CHD6: variants seen among roughly 807,000 people sequenced by gnomAD.
CHD6 encodes the protein ATP-dependent chromatin remodeler CHD6.
Under a neutral mutation model 276.9 loss-of-function variants are expected in CHD6, and 50 were observed. The observed-to-expected ratio is 0.18, with a 90% CI of 0.14 to 0.23. CHD6 has a LOEUF of 0.23. Ranked by LOEUF, CHD6 falls within the 10% of genes least tolerant of loss-of-function variation. The pLI is 1.00. For synonymous variants in CHD6, 1,173 were observed against 1,229.3 expected, an observed-to-expected ratio of 0.95 and a Z score of 0.96; for missense variants, 2,564 against 3,365.8, an observed-to-expected ratio of 0.76 and a Z score of 5.89.
In CHD6 at chr20:41,498,021, G is replaced by A. The variant is rs552934852; in HGVS notation, c.974+147C>T. ...TGTGCAGCTATAATTGAGCGTTACT[G>A]CCTAAGGTAAACTTGAGTCAGCCAA... On this transcript the variant is annotated intron_variant, in intron 7 of 36. Coordinates refer to ENST00000373233, the MANE Select transcript of CHD6 (RefSeq NM_032221.5). The A allele has an allele frequency of 6.4e-6, 4 of 622,290 alleles. No individual in the cohort carries two copies. The South Asian group carries it at 8.0e-5, about 12-fold the overall frequency. The allele number at this position is 622,290 out of a possible 1,614,324, so 38.5% of individuals were successfully genotyped here.
intron 2 of CHD6, among the ~76,000 whole-genome samples, chr20:41,536,216 G>T (rs1169496550): frequency 1.3e-5 from 2 of 152,252 alleles, no homozygotes; most frequent in Non-Finnish European, 2.9e-5. Flanking sequence ...GGGCCACAAG[G>T]TGCCAAAAAT....
intron 27 of CHD6, among the ~76,000 whole-genome samples, chr20:41,431,068 C>T (rs1432243653): frequency 3.3e-5 from 5 of 151,906 alleles, no homozygotes; most frequent in Admixed American, 3.3e-4. Context: ...CTTCTGACCT[C>T]GTGATCCACC....
chr20:41,495,369 A>G (rs2145882241), intron 8 of CHD6, among the ~76,000 whole-genome samples: 1 of 152,344 alleles, frequency 6.6e-6, no homozygotes, highest in East Asian at 1.9e-4. Context: ...ACAAAGACAA[A>G]TATTGTATGA....
At position 41,598,478 on chromosome 20, in the gene CHD6, C is replaced by T. The variant is rs547621990; in HGVS notation, c.-24+19862G>A. ...AAAGCGACTGTTAACGCTTGTGCAA[C>T]GGGCAGGCCAGAAACCCAAATCATC... On this transcript the variant is annotated intron_variant, in intron 1 of 36. Coordinates refer to ENST00000373233, the MANE Select transcript of CHD6 (RefSeq NM_032221.5). Among the ~76,000 whole-genome samples, 9 of 152,306 alleles carry T rather than the reference C, an allele frequency of 5.9e-5. No homozygotes were observed. In the South Asian group the frequency reaches 6.2e-4, roughly 11 times the overall value.
chr20:41,515,466 C>T (rs2044227616), intron 3 of CHD6, among the ~76,000 whole-genome samples: 1 of 152,100 alleles, frequency 6.6e-6, no homozygotes, highest in Admixed American at 6.6e-5. Context: ...CAACCACAGC[C>T]CAAGGCAGTA....
intron 1 of CHD6, among the ~76,000 whole-genome samples, chr20:41,559,491 T>C (rs1425482447): frequency 6.6e-6 from 1 of 152,216 alleles, no homozygotes; most frequent in Non-Finnish European, 1.5e-5. Flanking sequence ...AGGCTTTGAG[T>C]GCTTTGCAGC....
At chr20:41,436,115 G>A (rs74518720) in intron 27 of CHD6, among the ~76,000 whole-genome samples, 3,359 of 152,178 alleles carry the variant, frequency 0.022, 46 homozygotes, top group South Asian at 0.04. Context: ...TGCAAACTAC[G>A]TATCTGACAA....
In CHD6 at chr20:41,505,862, C is replaced by T. The variant is rs185366166; in HGVS notation, c.853-6505G>A. ...CCACTTGAGTATCTCAGAGGTATTT[C>T]GAATTTAAAATATCCACTCACTAAA... On this transcript the variant is annotated intron_variant, in intron 5 of 36. Transcript: ENST00000373233. 1.4e-3 allele frequency among the ~76,000 whole-genome samples: 220 copies of T among 152,128 alleles called. 2 individuals are homozygous for T. Among genetic ancestry groups the T allele is most frequent in the African/African-American group, 5.1e-3 (213 of 41,492 alleles).
At chr20:41,430,662 A>G (rs1231423689) in intron 27 of CHD6, among the ~76,000 whole-genome samples, 1 of 152,212 alleles carries the variant, frequency 6.6e-6, no homozygotes, top group Non-Finnish European at 1.5e-5. Flanking sequence ...TCAGCCCTCA[A>G]ATGAAGACAG....
chr20:41,484,117 G>A lies in CHD6; in HGVS notation c.2257+235C>T, dbSNP rs140098155. Among the ~76,000 whole-genome samples, 529 of 152,338 alleles carry A rather than the reference G, an allele frequency of 3.5e-3. 1 individual carries two copies. Among genetic ancestry groups the A allele is most frequent in the African/African-American group, 0.012 (499 of 41,580 alleles). Reference sequence around the variant, plus strand: ...TTCTGCCCGGCAGAGTACATGCTGTGAGGCAGCTTGTTGGCAGAAGTTAAG... The same window carrying A: ...TTCTGCCCGGCAGAGTACATGCTGTAAGGCAGCTTGTTGGCAGAAGTTAAG... On this transcript the variant is annotated intron_variant, in intron 15 of 36. Coordinates refer to ENST00000373233, the MANE Select transcript of CHD6 (RefSeq NM_032221.5).
intron 1 of CHD6, among the ~76,000 whole-genome samples, chr20:41,579,437 C>CAAAGAAAAAAAA (rs2045512113): frequency 1.4e-5 from 1 of 69,976 alleles, no homozygotes; most frequent in Non-Finnish European, 2.7e-5. Flanking sequence ...GACTCTGTCT[C>CAAAGAAAAAAAA]AAAAAAAAAA....
intron 5 of CHD6, among the ~76,000 whole-genome samples, chr20:41,512,119 C>T (rs1355594774): frequency 6.8e-6 from 1 of 147,136 alleles, no homozygotes; most frequent in Non-Finnish European, 1.5e-5. Context: ...AGGCCTGCAC[C>T]ACCATGCCCA....
intron 23 of CHD6, among the ~76,000 whole-genome samples, chr20:41,449,985 C>T (rs1473334269): frequency 1.3e-5 from 2 of 152,162 alleles, no homozygotes; most frequent in Non-Finnish European, 2.9e-5. Context: ...AATAACAACA[C>T]TTTGAGTGCT....
At chr20:41,439,869 C>A (rs2294572) in intron 26 of CHD6, 131 bp downstream of exon 26, 2 of 846,412 alleles carry the variant, frequency 2.4e-6, no homozygotes, top group Admixed American at 2.5e-5. Flanking sequence ...TGGAAAACAG[C>A]GGCAGTGTGG....
intron 1 of CHD6, among the ~76,000 whole-genome samples, chr20:41,555,516 G>A (rs2045218699): frequency 6.6e-6 from 1 of 151,088 alleles, no homozygotes; most frequent in Non-Finnish European, 1.5e-5. Context: ...TTCTCAGATG[G>A]GGCTCCTCAC....
At chr20:41,512,588 A>T (rs2044147240) in intron 5 of CHD6, among the ~76,000 whole-genome samples, 1 of 151,970 alleles carries the variant, frequency 6.6e-6, no homozygotes, top group South Asian at 2.1e-4. Context: ...CTGGAGAGTA[A>T]TGAGACAGGG....
chr20:41,496,437 C>T (rs959424539), intron 8 of CHD6, among the ~76,000 whole-genome samples: 6 of 152,154 alleles, frequency 3.9e-5, no homozygotes, highest in Non-Finnish European at 7.3e-5. Flanking sequence ...TCTATCTCTG[C>T]GCATGTGGGA....
At chr20:41,477,267 T>TA (rs2145801012) in intron 16 of CHD6, among the ~76,000 whole-genome samples, 1 of 151,872 alleles carries the variant, frequency 6.6e-6, no homozygotes, top group African/African-American at 2.4e-5. Flanking sequence ...AATAAATAAA[T>TA]AATTCTGAAG....
chr20:41,480,750 T>C (rs2043276345), intron 16 of CHD6, among the ~76,000 whole-genome samples: 1 of 152,192 alleles, frequency 6.6e-6, no homozygotes, highest in South Asian at 2.1e-4. Context: ...AGTAAATGCT[T>C]CTGGGATATG....
Sources: gnomAD v4.1 joint callset for allele counts (sites outside exome capture counted in the v4.1 genomes callset) on GRCh38, gnomAD v4.1.1 for gene constraint, MANE v1.5 for transcripts, NCBI Gene and HGNC (gene_info 2026-07-23, HGNC 2026-07-21) for gene names.